GRAMD1B: variants seen among roughly 807,000 people sequenced by gnomAD.
GRAMD1B encodes GRAM domain containing 1B.
A neutral mutation model predicts 99.7 loss-of-function variants in GRAMD1B; 37 were observed. The observed-to-expected ratio is 0.37, with a 90% CI of 0.29 to 0.49. GRAMD1B has a LOEUF of 0.49. Ranked by LOEUF, GRAMD1B falls within the 20% of genes least tolerant of loss-of-function variation. GRAMD1B has a pLI of 0.98. For synonymous variants in GRAMD1B, 427 were observed against 387.6 expected (o/e 1.10, Z -1.19); for missense variants, 888 against 1,009.2 (o/e 0.88, Z 1.63).
At chr11:123,397,509 T>G (rs1339471295) in intron 1 of GRAMD1B, among the ~76,000 whole-genome samples, 1 of 152,154 alleles carries the variant, frequency 6.6e-6, no homozygotes, top group African/African-American at 2.4e-5. Flanking sequence ...TTGCTTATTC[T>G]AGATTAAAAA....
At chr11:123,521,238 A>G (rs924463969) in intron 2 of GRAMD1B, among the ~76,000 whole-genome samples, 9 of 152,258 alleles carry the variant, frequency 5.9e-5, no homozygotes, top group Admixed American at 2.6e-4. Context: ...ATTTTTGTCA[A>G]TGGGATGAGT....
rs1472006404 is a variant in GRAMD1B at position 123,627,647 on chromosome 11, T to G, written c.*5052T>G. 6.6e-6 allele frequency: 1 copy of G among 152,210 alleles called. No homozygotes were observed. The highest frequency in any genetic ancestry group is 1.5e-5 in the Non-Finnish European group (1 of 68,050). The allele number at this position is 152,210 out of a possible 1,614,324, so 9.4% of individuals were successfully genotyped here. ...ACTTTGCCTGGCGCTGTGCGCAAGG[T>G]CAGAAAACTTACTGCTAGTACCTAG... On this transcript the variant is annotated 3_prime_UTR_variant, in exon 20 of 20. Coordinates refer to ENST00000635736, the MANE Select transcript of GRAMD1B (RefSeq NM_001387025.1).
At chr11:123,577,263 T>G in intron 2 of GRAMD1B, 104 bp from the exon 3 acceptor site, 12 of 957,254 alleles carry the variant, frequency 1.3e-5, no homozygotes, top group Non-Finnish European at 1.8e-5. Flanking sequence ...CCTGGCTCCC[T>G]GAGCTGGCTC....
At chr11:123,499,698 T>C (rs1442875156) in intron 2 of GRAMD1B, among the ~76,000 whole-genome samples, 1 of 152,192 alleles carries the variant, frequency 6.6e-6, no homozygotes, top group African/African-American at 2.4e-5. Context: ...ATTTTGACCC[T>C]GATTCAAATG....
At chr11:123,403,861 A>C (rs1439330626) in intron 1 of GRAMD1B, among the ~76,000 whole-genome samples, 2 of 152,068 alleles carry the variant, frequency 1.3e-5, no homozygotes, top group Non-Finnish European at 2.9e-5. Context: ...CATTAGTTTT[A>C]TCACCCAACC....
At chr11:123,590,450 G>A (rs1473509222) in intron 4 of GRAMD1B, among the ~76,000 whole-genome samples, 1 of 152,198 alleles carries the variant, frequency 6.6e-6, no homozygotes, top group East Asian at 1.9e-4. Flanking sequence ...GCCCTGGCCA[G>A]CAACTTTCCA....
At chr11:123,496,678 A>G (rs1939322757) in intron 2 of GRAMD1B, among the ~76,000 whole-genome samples, 2 of 151,328 alleles carry the variant, frequency 1.3e-5, no homozygotes, top group Non-Finnish European at 2.9e-5. Flanking sequence ...CATATTTCAT[A>G]TAGTCTGTCT....
At chr11:123,441,781 G>A (rs1949418890) in intron 1 of GRAMD1B, among the ~76,000 whole-genome samples, 1 of 150,890 alleles carries the variant, frequency 6.6e-6, no homozygotes, top group South Asian at 2.1e-4. Flanking sequence ...GGGCAACAGA[G>A]TGAGACCCTA....
At chr11:123,421,950 T>C (rs1948452685) in intron 1 of GRAMD1B, among the ~76,000 whole-genome samples, 1 of 152,244 alleles carries the variant, frequency 6.6e-6, no homozygotes, top group Non-Finnish European at 1.5e-5. Context: ...TCAGATATTT[T>C]TTAAATCTGT....
intron 7 of GRAMD1B, chr11:123,599,377 T>A: frequency 1.5e-6 from 1 of 684,768 alleles, no homozygotes; most frequent in South Asian, 1.4e-5. Context: ...TTAGTGAGCA[T>A]CTCTTTGGCC....
intron 2 of GRAMD1B, among the ~76,000 whole-genome samples, chr11:123,502,940 T>C (rs1422569774): frequency 1.3e-5 from 2 of 152,188 alleles, no homozygotes; most frequent in Non-Finnish European, 2.9e-5. Context: ...TGTAGAGTAT[T>C]GGTTGTTTGC....
At position 123,625,856 on chromosome 11, in the gene GRAMD1B, C is replaced by A. The variant is rs1055006768; in HGVS notation, c.*3261C>A. ...CCCAGTATTTAGAGGTGTGGTAGGG[C>A]AGTGTCTGCATTCCCAGGAGACCCA... On this transcript the variant is annotated 3_prime_UTR_variant, in exon 20 of 20. Coordinates refer to ENST00000635736, the MANE Select transcript of GRAMD1B (RefSeq NM_001387025.1). 1 of 150,592 alleles carries A rather than the reference C, an allele frequency of 6.6e-6. No individual in the cohort carries two copies. Among genetic ancestry groups the A allele is most frequent in the African/African-American group, 2.4e-5 (1 of 40,886 alleles). 9.3% of individuals were successfully genotyped at this position (150,592 alleles called of 1,614,324 possible). A position where few individuals can be genotyped will look rare whatever the true frequency, so the allele number is the denominator to read the frequency against.
intron 2 of GRAMD1B, among the ~76,000 whole-genome samples, chr11:123,555,740 A>G (rs770009252): frequency 9.2e-5 from 14 of 151,828 alleles, no homozygotes; most frequent in Non-Finnish European, 1.8e-4. Flanking sequence ...TTGATAAAAT[A>G]CTTTTTTTTT....
intron 1 of GRAMD1B, chr11:123,458,888 G>A (rs1950281964): frequency 6.6e-6 from 1 of 152,156 alleles, no homozygotes; most frequent in African/African-American, 2.4e-5. Flanking sequence ...TGAAGTGGAG[G>A]TTCTTTTGGG....
intron 1 of GRAMD1B, among the ~76,000 whole-genome samples, chr11:123,388,123 C>T (rs1457981319): frequency 3.3e-4 from 41 of 125,896 alleles, no homozygotes; most frequent in African/African-American, 1.3e-3. Flanking sequence ...CGAGACTCCT[C>T]CTCCTCAAAA....
At chr11:123,563,777 C>A (rs139259350) in intron 2 of GRAMD1B, among the ~76,000 whole-genome samples, 110 of 152,258 alleles carry the variant, frequency 7.2e-4, no homozygotes, top group African/African-American at 2.5e-3. Flanking sequence ...TCATAAATAA[C>A]TTCCTGATGA....
At chr11:123,607,827 G>A (rs1403608249) in intron 11 of GRAMD1B, 1 of 152,274 alleles carries the variant, frequency 6.6e-6, no homozygotes, top group African/African-American at 2.4e-5. Context: ...GGGTTCGGGG[G>A]GGAGCACTGA....
At chr11:123,358,512 C>G (rs1946031418) in exon 1 of GRAMD1B, 1 of 152,158 alleles carries the variant, frequency 6.6e-6, no homozygotes, top group Non-Finnish European at 1.5e-5. Context: ...GGCTCCCGCC[C>G]CGCCTGGGCG....
chr11:123,415,309 G>T (rs1441158610), intron 1 of GRAMD1B, among the ~76,000 whole-genome samples: 2 of 151,902 alleles, frequency 1.3e-5, no homozygotes, highest in Non-Finnish European at 2.9e-5. Context: ...CACCGTGTTT[G>T]CCAGGATGGT....
Sources: allele counts gnomAD v4.1 joint callset (sites outside exome capture counted in the v4.1 genomes callset), GRCh38; gene constraint gnomAD v4.1.1; transcripts MANE v1.5; gene names NCBI Gene and HGNC (gene_info 2026-07-23, HGNC 2026-07-21).